GPATCH1: variants seen among roughly 807,000 people sequenced by gnomAD.
GPATCH1 encodes G-patch domain containing 1, also known as G patch domain-containing protein 1.
A neutral mutation model predicts 114.9 loss-of-function variants in GPATCH1; 73 were observed. The observed-to-expected ratio is 0.64, with a 90% CI of 0.53 to 0.77. GPATCH1 has a LOEUF of 0.77. Ranked by LOEUF, GPATCH1 falls within the 30% of genes least tolerant of loss-of-function variation. GPATCH1 has a pLI of 0.00. For synonymous variants in GPATCH1, 391 were observed against 428.4 expected, an observed-to-expected ratio of 0.91 and a Z score of 1.08; for missense variants, 1,058 against 1,144.3, an observed-to-expected ratio of 0.92 and a Z score of 1.09.
chr19:33,110,137 C>G lies in GPATCH1; in HGVS notation c.1585+121C>G, dbSNP rs1015519302. The G allele has an allele frequency of 3.5e-6, 3 of 864,626 alleles. No homozygotes were observed. In the African/African-American group the frequency reaches 5.2e-5, roughly 15 times the overall value. The allele number at this position is 864,626 out of a possible 1,614,324, so 53.6% of individuals were successfully genotyped here. On this transcript the variant is annotated intron_variant, in intron 11 of 19. Transcript: ENST00000170564. ...TGTTCTGTCAGTGTTTTTGCTTTAT[C>G]CTGCTGCAAATAGTGCAAAGGTTTC... is the stretch of plus-strand genomic sequence containing the variant.
In GPATCH1 at chr19:33,130,241, C is replaced by T. The variant is rs1056643083; in HGVS notation, c.*81C>T. ...GTGATTGTTCAGTTAACGCATTGTA[C>T]AGAGTGTATTTATATGTAAATTCCT... On this transcript the variant is annotated 3_prime_UTR_variant, in exon 20 of 20. Coordinates refer to ENST00000170564, the MANE Select transcript of GPATCH1 (RefSeq NM_018025.3). The T allele has an allele frequency of 8.5e-6, 8 of 938,202 alleles. No homozygotes were observed. Among genetic ancestry groups the T allele is most frequent in the Admixed American group, 6.0e-5 (3 of 50,106 alleles). 58.1% of individuals were successfully genotyped at this position (938,202 alleles called of 1,614,324 possible).
chr19:33,130,533 G>A lies in GPATCH1; in HGVS notation c.*373G>A, dbSNP rs958994167. ...GAAGGACAAGCGTGTGAGAAGGGGCGGTTGCGGCCCCTCCTGCCGTTTTTT... is the reference window on the plus strand; with the variant it reads ...GAAGGACAAGCGTGTGAGAAGGGGCAGTTGCGGCCCCTCCTGCCGTTTTTT... On this transcript the variant is annotated 3_prime_UTR_variant, in exon 20 of 20. Coordinates refer to ENST00000170564, the MANE Select transcript of GPATCH1 (RefSeq NM_018025.3). 5 of 170,162 alleles carry A rather than the reference G, an allele frequency of 2.9e-5. No homozygotes were observed. Among genetic ancestry groups the A allele is most frequent in the Admixed American group, 6.3e-5 (1 of 15,776 alleles). The allele number at this position is 170,162 out of a possible 1,614,324, so 10.5% of individuals were successfully genotyped here. A position where few individuals can be genotyped will look rare whatever the true frequency, so the allele number is the denominator to read the frequency against.
At chr19:33,114,562 T>G (rs1464138230) in intron 15 of GPATCH1, 143 bp downstream of exon 15, 1 of 658,090 alleles carries the variant, frequency 1.5e-6, no homozygotes, top group Non-Finnish European at 2.5e-6. Flanking sequence ...GGCTTGTTTC[T>G]AACTTTTGGC....
chr19:33,092,302 C>T (rs111681064), intron 3 of GPATCH1, among the ~76,000 whole-genome samples: 1 of 152,094 alleles, frequency 6.6e-6, no homozygotes, highest in Non-Finnish European at 1.5e-5. Flanking sequence ...CCACCCACCT[C>T]GGCCTCCCAA....
At chr19:33,084,045 G>C (rs1972509106) in intron 1 of GPATCH1, among the ~76,000 whole-genome samples, 1 of 151,612 alleles carries the variant, frequency 6.6e-6, no homozygotes, top group African/African-American at 2.4e-5. Context: ...TCTGACCTCA[G>C]GTGATCTGCC....
chr19:33,106,972 T>C (rs1972792528), intron 10 of GPATCH1, 73 bp downstream of exon 10: 1 of 1,252,786 alleles, frequency 8.0e-7, no homozygotes, highest in African/African-American at 1.5e-5. Context: ...AAAGTTGTTG[T>C]TTTCCCACTG....
intron 3 of GPATCH1, among the ~76,000 whole-genome samples, chr19:33,091,781 A>C (rs12610071): frequency 0.42 from 63,155 of 151,926 alleles, 16,580 homozygotes; most frequent in African/African-American, 0.73. Flanking sequence ...ATTAAATAAA[A>C]CATTTATATC....
chr19:33,127,422 A>G (rs1973054316), intron 19 of GPATCH1, among the ~76,000 whole-genome samples: 1 of 151,138 alleles, frequency 6.6e-6, no homozygotes, highest in African/African-American at 2.4e-5. Context: ...AGGCTGAGGC[A>G]GGAGAATGGC....
intron 18 of GPATCH1, 84 bp from the exon 19 acceptor site, chr19:33,126,503 CT>C: frequency 6.3e-7 from 1 of 1,579,314 alleles, no homozygotes; most frequent in Non-Finnish European, 8.6e-7. Flanking sequence ...GACTCCATCA[CT>C]GCAGCCTTGT....
chr19:33,082,987 C>A (rs1167989725), intron 1 of GPATCH1, among the ~76,000 whole-genome samples: 1 of 151,850 alleles, frequency 6.6e-6, no homozygotes, highest in Non-Finnish European at 1.5e-5. Flanking sequence ...GCCTGTAATC[C>A]CAGCACTTTG....
intron 3 of GPATCH1, 107 bp from the exon 4 acceptor site, chr19:33,093,252 T>C: frequency 1.5e-6 from 1 of 667,090 alleles, no homozygotes; most frequent in Non-Finnish European, 2.5e-6. Flanking sequence ...GATCCAGAAC[T>C]AAATTTTGTA....
At chr19:33,128,731 T>A (rs940633921) in intron 19 of GPATCH1, among the ~76,000 whole-genome samples, 1 of 152,194 alleles carries the variant, frequency 6.6e-6, no homozygotes, top group African/African-American at 2.4e-5. Flanking sequence ...ATTCTTTGAG[T>A]GTCTGGCTTC....
At chr19:33,127,181 T>A (rs1227298399) in intron 19 of GPATCH1, among the ~76,000 whole-genome samples, 2 of 151,538 alleles carry the variant, frequency 1.3e-5, no homozygotes, top group Non-Finnish European at 2.9e-5. Context: ...TTTTAAAAAG[T>A]TTGAATATCT....
At chr19:33,095,919 A>G (rs1211820515) in intron 6 of GPATCH1, 99 bp downstream of exon 6, 8 of 885,024 alleles carry the variant, frequency 9.0e-6, no homozygotes, top group African/African-American at 1.7e-5. Flanking sequence ...ATCAGATCCA[A>G]TAACTATACA....
chr19:33,110,053 G>A lies in GPATCH1; in HGVS notation c.1585+37G>A, dbSNP rs150256457. 5.7e-4 allele frequency: 869 copies of A among 1,532,546 alleles called. 8 individuals carry two copies. In the East Asian group the frequency reaches 0.016, roughly 28 times the overall value. The allele number at this position is 1,532,546 out of a possible 1,614,324, so 94.9% of individuals were successfully genotyped here. On this transcript the variant is annotated intron_variant, in intron 11 of 19. Coordinates refer to ENST00000170564, the MANE Select transcript of GPATCH1 (RefSeq NM_018025.3). ...GCCTGGGTGTCCCAAATCTCGGCCC[G>A]GGCGGGGTCATATTCTCACTGTTCT...
At chr19:33,090,182 G>A (rs1972578568) in intron 2 of GPATCH1, among the ~76,000 whole-genome samples, 1 of 152,152 alleles carries the variant, frequency 6.6e-6, no homozygotes, top group Non-Finnish European at 1.5e-5. Context: ...CCGTGGTCAG[G>A]GAACAAGGCC....
intron 1 of GPATCH1, among the ~76,000 whole-genome samples, chr19:33,084,566 CT>C (rs1972514652): frequency 6.6e-6 from 1 of 152,154 alleles, no homozygotes; most frequent in Non-Finnish European, 1.5e-5. Flanking sequence ...TCAAGGCCCC[CT>C]GCACTGTCCG....
chr19:33,087,515 G>A (rs901664964), intron 1 of GPATCH1, among the ~76,000 whole-genome samples: 1 of 152,008 alleles, frequency 6.6e-6, no homozygotes, highest in African/African-American at 2.4e-5. Flanking sequence ...AGGAGTCGGG[G>A]AAAATAGGCA....
intron 1 of GPATCH1, among the ~76,000 whole-genome samples, chr19:33,083,975 A>G: frequency 6.6e-6 from 1 of 151,820 alleles, no homozygotes; most frequent in Non-Finnish European, 1.5e-5. Context: ...ATGCCCGGCT[A>G]ATTTTTATAT....
Sources: allele counts gnomAD v4.1 joint callset (sites outside exome capture counted in the v4.1 genomes callset), GRCh38; gene constraint gnomAD v4.1.1; transcripts MANE v1.5; gene names NCBI Gene and HGNC (gene_info 2026-07-23, HGNC 2026-07-21).